CYTIP: variants seen among roughly 807,000 people sequenced by gnomAD.
CYTIP encodes cytohesin-interacting protein.
A neutral mutation model predicts 43.8 loss-of-function variants in CYTIP; 26 were observed. That is an observed-to-expected ratio of 0.59 (90% CI 0.44 to 0.82). The LOEUF is 0.82. CYTIP is among the 40% of genes least tolerant of loss of function. CYTIP has a pLI of 0.00. For synonymous variants in CYTIP, 162 were observed against 162.9 expected, an observed-to-expected ratio of 0.99 and a Z score of 0.04; for missense variants, 426 against 443.1, an observed-to-expected ratio of 0.96 and a Z score of 0.35.
At chr2:157,441,064 T>C (rs1268397098) in intron 1 of CYTIP, among the ~76,000 whole-genome samples, 9 of 130,848 alleles carry the variant, frequency 6.9e-5, no homozygotes, top group Admixed American at 1.6e-4. Context: ...TAATTCTGAA[T>C]GTAAACACCC....
chr2:157,419,191 G>A (rs1368532439), intron 6 of CYTIP, among the ~76,000 whole-genome samples: 1 of 152,102 alleles, frequency 6.6e-6, no homozygotes, highest in Non-Finnish European at 1.5e-5. Context: ...GTAGCGACGG[G>A]GTTTCACCAC....
Position 157,423,842 on chromosome 2 carries a change from A to T in CYTIP, c.546+3509T>A, listed in dbSNP as rs182798756. Among the ~76,000 whole-genome samples the T allele has an allele frequency of 3.3e-3, 508 of 152,292 alleles. 4 individuals are homozygous for T. The highest frequency in any genetic ancestry group is 0.011 in the African/African-American group (467 of 41,576). On this transcript the variant is annotated intron_variant, in intron 6 of 7. Coordinates refer to ENST00000264192, the MANE Select transcript of CYTIP (RefSeq NM_004288.5). ...TGAAATGGTAGCTTTATATTAGAAT[A>T]TATTTAAATTTCATTCACATATTGA...
At chr2:157,433,711 G>A (rs1685749167) in intron 3 of CYTIP, among the ~76,000 whole-genome samples, 1 of 152,068 alleles carries the variant, frequency 6.6e-6, no homozygotes, top group Admixed American at 6.6e-5. Flanking sequence ...CAGCTAATAA[G>A]CAATGAAATT....
intron 6 of CYTIP, among the ~76,000 whole-genome samples, chr2:157,420,057 T>G (rs1443219718): frequency 6.6e-6 from 1 of 152,248 alleles, no homozygotes; most frequent in Non-Finnish European, 1.5e-5. Flanking sequence ...CTTTGAGGGC[T>G]GAGGGCAGTG....
chr2:157,429,746 A>C (rs1039986202), intron 5 of CYTIP, among the ~76,000 whole-genome samples: 2 of 152,136 alleles, frequency 1.3e-5, no homozygotes, highest in Non-Finnish European at 2.9e-5. Context: ...GTTTGGGGCC[A>C]GGGGCGGTGG....
At chr2:157,443,720 C>T (rs1192514595) in intron 1 of CYTIP, 127 bp downstream of exon 1, 6 of 1,023,448 alleles carry the variant, frequency 5.9e-6, no homozygotes, top group Non-Finnish European at 8.2e-6. Context: ...ACCTCCTTCA[C>T]CCATAATAAT....
chr2:157,422,803 CAGAT>C (rs1558937739), intron 6 of CYTIP, among the ~76,000 whole-genome samples: 1 of 151,058 alleles, frequency 6.6e-6, no homozygotes, highest in South Asian at 2.1e-4. Flanking sequence ...AAAACAAGAA[CAGAT>C]AGACATGAAA....
intron 2 of CYTIP, 80 bp from the exon 3 acceptor site, chr2:157,434,504 C>A (rs957965920): frequency 1.7e-6 from 2 of 1,164,120 alleles, no homozygotes; most frequent in Non-Finnish European, 2.5e-6. Context: ...TTAAAAATAA[C>A]TGTCACAATT....
intron 6 of CYTIP, among the ~76,000 whole-genome samples, chr2:157,426,225 A>G (rs1450435800): frequency 2.0e-5 from 3 of 152,216 alleles, no homozygotes; most frequent in Non-Finnish European, 4.4e-5. Context: ...TTTTAAGTCC[A>G]TAAAAGATCT....
At chr2:157,432,557 C>A (rs901937626) in intron 3 of CYTIP, among the ~76,000 whole-genome samples, 1 of 152,110 alleles carries the variant, frequency 6.6e-6, no homozygotes, top group Non-Finnish European at 1.5e-5. Flanking sequence ...CTCCTAAGGA[C>A]CCCATAAGGC....
intron 3 of CYTIP, among the ~76,000 whole-genome samples, chr2:157,433,992 G>C (rs1046849128): frequency 6.6e-6 from 1 of 152,054 alleles, no homozygotes; most frequent in African/African-American, 2.4e-5. Flanking sequence ...CTTAAAATCT[G>C]ATACACAGTA....
At chr2:157,421,101 A>G (rs1249881912) in intron 6 of CYTIP, among the ~76,000 whole-genome samples, 1 of 152,228 alleles carries the variant, frequency 6.6e-6, no homozygotes, top group African/African-American at 2.4e-5. Flanking sequence ...GGGTTTTTCA[A>G]CTGTAACCAA....
intron 3 of CYTIP, among the ~76,000 whole-genome samples, chr2:157,433,582 C>A (rs1277036691): frequency 6.6e-6 from 1 of 151,740 alleles, no homozygotes; most frequent in Non-Finnish European, 1.5e-5. Flanking sequence ...AAAAGACATG[C>A]AAACGTACTA....
intron 1 of CYTIP, among the ~76,000 whole-genome samples, chr2:157,443,328 C>T (rs1685945111): frequency 6.6e-6 from 1 of 151,502 alleles, no homozygotes; most frequent in African/African-American, 2.4e-5. Flanking sequence ...CAATCTGGCA[C>T]TCATCTATCC....
chr2:157,415,946 T>C lies in CYTIP; in HGVS notation c.811A>G (p.Arg271Gly). ...YQTCVSEDSS[R>G]GAFSRQTSTD... ...CTCGTCTGCCGACTGAAGGCACCCC[T>C]GCTGGAGTCCTCAGACACACACGTC... The change falls in exon 8 of 8, where the codon AGG becomes GGG. Residue 271 changes from arginine to glycine, a missense_variant. Coordinates refer to ENST00000264192, the MANE Select transcript of CYTIP (RefSeq NM_004288.5). 6.2e-7 allele frequency: 1 copy of C among 1,614,228 alleles called. No individual in the cohort carries two copies. The highest frequency in any genetic ancestry group is 1.1e-5 in the South Asian group (1 of 91,090).
intron 3 of CYTIP, 141 bp downstream of exon 3, chr2:157,434,228 AC>A: frequency 1.4e-6 from 1 of 723,512 alleles, no homozygotes; most frequent in East Asian, 2.5e-5. Context: ...CTGAAAAACT[AC>A]CCCCAAACAG....
At chr2:157,421,711 A>G (rs1685525217) in intron 6 of CYTIP, among the ~76,000 whole-genome samples, 1 of 152,190 alleles carries the variant, frequency 6.6e-6, no homozygotes, top group African/African-American at 2.4e-5. Context: ...TGCAATGAAG[A>G]GTCTTTGAGG....
chr2:157,434,232 C>T (rs1685757455), intron 3 of CYTIP, 138 bp downstream of exon 3: 1 of 742,128 alleles, frequency 1.3e-6, no homozygotes, highest in Non-Finnish European at 2.4e-6. Flanking sequence ...AAAACTACCC[C>T]CAAACAGCCA....
chr2:157,434,121 A>C (rs1685755697), intron 3 of CYTIP: 8 of 549,800 alleles, frequency 1.5e-5, no homozygotes, highest in Admixed American at 3.4e-5. Flanking sequence ...CTGGGACTTA[A>C]GGGAAGACTG....
Sources: gnomAD v4.1 joint callset for allele counts (sites outside exome capture counted in the v4.1 genomes callset) on GRCh38, gnomAD v4.1.1 for gene constraint, MANE v1.5 for transcripts, NCBI Gene and HGNC (gene_info 2026-07-23, HGNC 2026-07-21) for gene names.